Variants in SLC25A21 observed in about 807,000 individuals in gnomAD.
The protein encoded by SLC25A21 is solute carrier family 25 member 21, also known as mitochondrial 2-oxodicarboxylate carrier.
SLC25A21 carries 47 observed loss-of-function variants against 43.8 expected under a neutral mutation model. The observed-to-expected ratio is 1.07, with a 90% CI of 0.85 to 1.37. SLC25A21 has a LOEUF of 1.37. SLC25A21 is among the 40% of genes most tolerant of loss of function. The pLI, the probability that SLC25A21 is intolerant of heterozygous loss-of-function variation, is 0.00. For synonymous variants in SLC25A21, 131 were observed against 121.3 expected (o/e 1.08, Z -0.52); for missense variants, 352 against 350.2 (o/e 1.00, Z -0.04).
chr14:37,150,606 C>T (rs183122645), intron 1 of SLC25A21, among the ~76,000 whole-genome samples: 1 of 152,302 alleles, frequency 6.6e-6, no homozygotes, highest in East Asian at 1.9e-4. Flanking sequence ...CTAGATCTAA[C>T]TATATCTGCA....
At chr14:37,050,136 T>C (rs1410479740) in intron 1 of SLC25A21, among the ~76,000 whole-genome samples, 1 of 152,256 alleles carries the variant, frequency 6.6e-6, no homozygotes, top group African/African-American at 2.4e-5. Flanking sequence ...TGGGCAGGAC[T>C]GCAGTACTTT....
intron 1 of SLC25A21, among the ~76,000 whole-genome samples, chr14:37,131,827 C>A (rs1321677770): frequency 6.6e-6 from 1 of 152,012 alleles, no homozygotes; most frequent in Non-Finnish European, 1.5e-5. Flanking sequence ...GTGCATGCCA[C>A]CACACTCTGC....
At chr14:36,964,876 T>C (rs949161935) in intron 1 of SLC25A21, among the ~76,000 whole-genome samples, 1 of 152,180 alleles carries the variant, frequency 6.6e-6, no homozygotes, top group African/African-American at 2.4e-5. Flanking sequence ...TCTTCCTATA[T>C]TTGTCTCACC....
chr14:36,682,848 A>G (rs181977444), intron 9 of SLC25A21, among the ~76,000 whole-genome samples: 59 of 152,340 alleles, frequency 3.9e-4, no homozygotes, highest in Non-Finnish European at 4.4e-5. Flanking sequence ...TCCTAAATAT[A>G]TGAAAGTGTG....
At chr14:36,917,930 A>G (rs2138620144) in intron 1 of SLC25A21, among the ~76,000 whole-genome samples, 1 of 152,174 alleles carries the variant, frequency 6.6e-6, no homozygotes, top group South Asian at 2.1e-4. Context: ...AAAAAATGAA[A>G]CTGGCATCAT....
intron 1 of SLC25A21, among the ~76,000 whole-genome samples, chr14:37,094,922 T>C (rs989088486): frequency 6.6e-6 from 1 of 152,114 alleles, no homozygotes; most frequent in African/African-American, 2.4e-5. Flanking sequence ...TAGCAGTGCA[T>C]TGTGTTTTTG....
rs187842873 is a variant in SLC25A21 at position 37,078,653 on chromosome 14, C to T, written c.70+93628G>A. 4.0e-4 allele frequency among the ~76,000 whole-genome samples: 61 copies of T among 152,232 alleles called. 1 individual carries two copies. The South Asian group carries it at 5.6e-3, about 14-fold the overall frequency. On this transcript the variant is annotated intron_variant, in intron 1 of 9. Transcript: ENST00000331299. ...CAGATGCAAGACAGAATATAAAGAT[C>T]CCTATCTCCAAAGGATTTGAAAAAT...
chr14:37,024,131 A>T (rs1961044053), intron 1 of SLC25A21, among the ~76,000 whole-genome samples: 1 of 152,076 alleles, frequency 6.6e-6, no homozygotes, highest in African/African-American at 2.4e-5. Flanking sequence ...AGTAAGCAAA[A>T]TTTTGCCTAA....
intron 1 of SLC25A21, among the ~76,000 whole-genome samples, chr14:37,147,453 G>A (rs565262402): frequency 2.0e-5 from 3 of 151,960 alleles, no homozygotes; most frequent in South Asian, 2.1e-4. Flanking sequence ...CATTGTCAAC[G>A]AGAAGCCACC....
At chr14:37,074,019 TCTAGAA>T (rs11277418) in intron 1 of SLC25A21, among the ~76,000 whole-genome samples, 30,503 of 151,858 alleles carry the variant, frequency 0.2, 6,911 homozygotes, top group African/African-American at 0.55. Flanking sequence ...GTCAATTATA[TCTAGAA>T]CTAGTCTTCC....
At chr14:36,714,996 G>T (rs1312833647) in intron 6 of SLC25A21, among the ~76,000 whole-genome samples, 1 of 152,166 alleles carries the variant, frequency 6.6e-6, no homozygotes, top group Non-Finnish European at 1.5e-5. Flanking sequence ...ACCAAAGATT[G>T]TTAGGCAACA....
intron 1 of SLC25A21, among the ~76,000 whole-genome samples, chr14:37,159,215 G>GAAA (rs35226206): frequency 1.3e-5 from 2 of 148,412 alleles, no homozygotes; most frequent in Admixed American, 6.7e-5. Flanking sequence ...TCACGGAACA[G>GAAA]AAAAAAAAAA....
chr14:36,716,408 T>C (rs1884137074), intron 6 of SLC25A21, among the ~76,000 whole-genome samples: 1 of 152,216 alleles, frequency 6.6e-6, no homozygotes, highest in South Asian at 2.1e-4. Context: ...AAATTTTAGC[T>C]GCTCTTGCCA....
intron 1 of SLC25A21, among the ~76,000 whole-genome samples, chr14:36,987,742 T>C (rs1481248856): frequency 1.3e-5 from 2 of 152,202 alleles, no homozygotes; most frequent in Non-Finnish European, 2.9e-5. Flanking sequence ...AGGATATTTT[T>C]GTTCATCAAT....
chr14:36,813,553 G>C (rs1888347267), intron 3 of SLC25A21, among the ~76,000 whole-genome samples: 1 of 152,008 alleles, frequency 6.6e-6, no homozygotes, highest in African/African-American at 2.4e-5. Flanking sequence ...ATACAGATCT[G>C]TTTTATTTGT....
intron 3 of SLC25A21, among the ~76,000 whole-genome samples, chr14:36,791,193 T>C (rs752827073): frequency 2.0e-5 from 3 of 152,144 alleles, no homozygotes; most frequent in Non-Finnish European, 4.4e-5. Flanking sequence ...ATCTAATACA[T>C]AAACATCTTT....
chr14:36,969,229 A>T (rs1223903650), intron 1 of SLC25A21, among the ~76,000 whole-genome samples: 1 of 152,172 alleles, frequency 6.6e-6, no homozygotes, highest in African/African-American at 2.4e-5. Flanking sequence ...ACCAAAGTTG[A>T]TGTTCCAGAC....
chr14:37,073,279 T>G (rs1233183832), intron 1 of SLC25A21, among the ~76,000 whole-genome samples: 2 of 152,228 alleles, frequency 1.3e-5, no homozygotes, highest in African/African-American at 4.8e-5. Context: ...CTTAGTCACT[T>G]TTTCACAGTT....
chr14:36,896,868 G>A (rs189436372), intron 1 of SLC25A21, among the ~76,000 whole-genome samples: 46 of 152,134 alleles, frequency 3.0e-4, no homozygotes, highest in African/African-American at 1.1e-3. Context: ...ATATTGGCCC[G>A]CACTCTCTGC....
Sources: gnomAD v4.1 joint callset for allele counts (sites outside exome capture counted in the v4.1 genomes callset) on GRCh38, gnomAD v4.1.1 for gene constraint, MANE v1.5 for transcripts, NCBI Gene and HGNC (gene_info 2026-07-23, HGNC 2026-07-21) for gene names.